Variants in RGS7 observed in about 807,000 individuals in gnomAD.
RGS7 encodes regulator of G protein signaling 7, also known as regulator of G-protein signaling 7.
RGS7 carries 27 observed loss-of-function variants against 81.1 expected under a neutral mutation model. The ratio of observed to expected loss-of-function variants is 0.33; its 90% CI spans 0.25 to 0.46. The LOEUF is 0.46. Among genes scored for constraint, RGS7 ranks in the 20% least tolerant of loss-of-function variants. The pLI, the probability that RGS7 is intolerant of heterozygous loss-of-function variation, is 1.00. For missense variants in RGS7, 396 were observed against 607.4 expected (o/e 0.65, Z 3.66); for synonymous variants, 208 against 207.7 (o/e 1.00, Z -0.01).
intron 2 of RGS7, among the ~76,000 whole-genome samples, chr1:241,330,760 C>T: frequency 6.6e-6 from 1 of 152,176 alleles, no homozygotes; most frequent in Admixed American, 6.5e-5. Context: ...TGTTTCTCAA[C>T]AGACTCTGGG....
At position 241,231,181 on chromosome 1, in the gene RGS7, G is replaced by A. The variant is rs542942141; in HGVS notation, c.78+124518C>T. ...CAATATACTGTGAAACTGGGCAAGA[G>A]ATGATATAAACACTCCTTGAAGCTA... On this transcript the variant is annotated intron_variant, in intron 2 of 18. Transcript: ENST00000440928. Among the ~76,000 whole-genome samples, 3 of 152,178 alleles carry A rather than the reference G, an allele frequency of 2.0e-5. No individual in the cohort carries two copies. In the South Asian group the frequency reaches 6.2e-4, roughly 31 times the overall value.
intron 2 of RGS7, among the ~76,000 whole-genome samples, chr1:241,334,112 C>T (rs1414401999): frequency 6.6e-6 from 1 of 151,722 alleles, no homozygotes; most frequent in Admixed American, 6.6e-5. Context: ...AGTACTCCGT[C>T]GCTTCCCCAA....
At chr1:241,223,946 G>C (rs534548777) in intron 2 of RGS7, among the ~76,000 whole-genome samples, 2 of 151,104 alleles carry the variant, frequency 1.3e-5, no homozygotes, top group South Asian at 4.2e-4. Flanking sequence ...TAAGTTAGAT[G>C]GTCATTAAGG....
chr1:240,886,285 T>G (rs1667324606), intron 6 of RGS7, among the ~76,000 whole-genome samples: 1 of 152,142 alleles, frequency 6.6e-6, no homozygotes, highest in Non-Finnish European at 1.5e-5. Context: ...ACCACAATAA[T>G]CCATCCAGTG....
chr1:240,836,226 G>T (rs1051915076), intron 9 of RGS7, among the ~76,000 whole-genome samples: 1 of 152,152 alleles, frequency 6.6e-6, no homozygotes, highest in African/African-American at 2.4e-5. Flanking sequence ...ACTTAATTTT[G>T]CTGTGAACCA....
intron 3 of RGS7, among the ~76,000 whole-genome samples, chr1:241,037,535 A>T (rs2148753741): frequency 6.6e-6 from 1 of 152,198 alleles, no homozygotes; most frequent in African/African-American, 2.4e-5. Context: ...CCTGACCAAC[A>T]TGGTGAAACC....
At chr1:241,071,665 A>C (rs1414924069) in intron 3 of RGS7, among the ~76,000 whole-genome samples, 1 of 151,810 alleles carries the variant, frequency 6.6e-6, no homozygotes, top group Non-Finnish European at 1.5e-5. Flanking sequence ...GTTAAGCCTT[A>C]GGTGTTCAGT....
chr1:241,349,322 A>G (rs12405764), intron 2 of RGS7, among the ~76,000 whole-genome samples: 14,480 of 152,184 alleles, frequency 0.095, 901 homozygotes, highest in South Asian at 0.24. Flanking sequence ...TTACTTGTCA[A>G]TCACCAGAAA....
rs1289530254 is a variant in RGS7, at chr1:240,934,240, G to A, written c.333+2360C>T. Among the ~76,000 whole-genome samples, 4 of 152,168 alleles carry A rather than the reference G, an allele frequency of 2.6e-5. No homozygotes were observed. The South Asian group carries it at 6.2e-4, about 24-fold the overall frequency. On this transcript the variant is annotated intron_variant, in intron 5 of 18. Transcript: ENST00000440928. ...CTCTCAAAGTGCTGGGATCACAGGC[G>A]TGAGCCACTGCGCCCAGCCTAGATT...
chr1:240,920,289 G>A, intron 6 of RGS7: 1 of 1,363,770 alleles, frequency 7.3e-7, no homozygotes, highest in Admixed American at 1.7e-5. Flanking sequence ...TGGTGGGAAT[G>A]ACAACTTTGG....
chr1:241,125,299 G>A (rs778579536), intron 2 of RGS7, among the ~76,000 whole-genome samples: 21 of 152,098 alleles, frequency 1.4e-4, no homozygotes, highest in Non-Finnish European at 2.9e-4. Flanking sequence ...AGGTTTCCTA[G>A]AATTCATGTA....
At chr1:241,133,287 T>A (rs545501816) in intron 2 of RGS7, among the ~76,000 whole-genome samples, 1 of 151,936 alleles carries the variant, frequency 6.6e-6, no homozygotes, top group South Asian at 2.1e-4. Flanking sequence ...ATCAATTTGA[T>A]AAACCACAGA....
chr1:241,047,733 C>CTTTTTTTTTTTTTTTTTTTTTTT (rs34738551), intron 3 of RGS7, among the ~76,000 whole-genome samples: 1 of 89,514 alleles, frequency 1.1e-5, no homozygotes, highest in Admixed American at 1.4e-4. Context: ...GTTTACAATC[C>CTTTTTTTTTTTTTTTTTTTTTTT]TTTTTTTTTT....
intron 2 of RGS7, among the ~76,000 whole-genome samples, chr1:241,282,372 C>A (rs1187311188): frequency 6.6e-6 from 1 of 152,174 alleles, no homozygotes; most frequent in Non-Finnish European, 1.5e-5. Flanking sequence ...ACATTCATTA[C>A]TATAATATAG....
intron 2 of RGS7, among the ~76,000 whole-genome samples, chr1:241,102,071 A>G (rs1288152601): frequency 6.6e-6 from 1 of 152,214 alleles, no homozygotes; most frequent in Non-Finnish European, 1.5e-5. Flanking sequence ...TTTAACTCCA[A>G]GTAAAAATAG....
chr1:240,856,826 G>A lies in RGS7; in HGVS notation c.609+11761C>T, dbSNP rs569422982. ...ATAAGGAGAAAAATATTTCTCTTAT[G>A]ATTAGTGTGATTTTTCAGAGAAAAA... On this transcript the variant is annotated intron_variant, in intron 9 of 18. Transcript: ENST00000440928. 1.6e-4 allele frequency among the ~76,000 whole-genome samples: 24 copies of A among 152,254 alleles called. No homozygotes were observed. The South Asian group carries it at 5.0e-3, about 32-fold the overall frequency.
At chr1:241,313,838 G>GA (rs2080699105) in intron 2 of RGS7, among the ~76,000 whole-genome samples, 1 of 152,200 alleles carries the variant, frequency 6.6e-6, no homozygotes, top group Non-Finnish European at 1.5e-5. Flanking sequence ...AAGTTTGCAT[G>GA]AAGTTGATTC....
chr1:240,775,984 G>C lies in RGS7; in HGVS notation c.*236C>G. ...GAGAAAGAAAGCAGACAACAGTTTG[G>C]AATGGAGGCATTGAGACGGAAGAGT... On this transcript the variant is annotated 3_prime_UTR_variant, in exon 19 of 19. Transcript: ENST00000440928. The C allele has an allele frequency of 1.6e-6, 1 of 644,242 alleles. No homozygotes were observed. The highest frequency in any genetic ancestry group is 1.8e-5 in the South Asian group (1 of 57,090). The allele number at this position is 644,242 out of a possible 1,614,324, so 39.9% of individuals were successfully genotyped here.
chr1:240,800,070 C>T (rs369913042), intron 18 of RGS7, among the ~76,000 whole-genome samples: 2 of 152,274 alleles, frequency 1.3e-5, no homozygotes, highest in African/African-American at 2.4e-5. Context: ...GTCAGCATTA[C>T]GTTTGAAAAG....
Sources: allele counts gnomAD v4.1 joint callset (sites outside exome capture counted in the v4.1 genomes callset), GRCh38; gene constraint gnomAD v4.1.1; transcripts MANE v1.5; gene names NCBI Gene and HGNC (gene_info 2026-07-23, HGNC 2026-07-21).